Variants in GCN1 observed in about 807,000 individuals in gnomAD.
The protein encoded by GCN1 is GCN1 activator of EIF2AK4.
In GCN1, 90 loss-of-function variants were observed where a neutral mutation model predicts 288.4. That is an observed-to-expected ratio of 0.31 (90% CI 0.26 to 0.37). The LOEUF is 0.37. GCN1 is among the 10% of genes least tolerant of loss of function. The pLI is 1.00. For missense variants in GCN1, 2,586 were observed against 3,419.9 expected (o/e 0.76, Z 6.08); for synonymous variants, 1,386 against 1,420.2 (o/e 0.98, Z 0.54).
At chr12:120,180,039 G>A (rs1261136605) in intron 5 of GCN1, among the ~76,000 whole-genome samples, 1 of 152,176 alleles carries the variant, frequency 6.6e-6, no homozygotes, top group Non-Finnish European at 1.5e-5. Context: ...AGGCCTAGTG[G>A]CTCACACCTG....
intron 45 of GCN1, among the ~76,000 whole-genome samples, 156 bp downstream of exon 45, chr12:120,140,703 A>C (rs1877159951): frequency 6.6e-6 from 1 of 152,184 alleles, no homozygotes; most frequent in Non-Finnish European, 1.5e-5. Flanking sequence ...CCTCAAGTCC[A>C]TGTGGCCCAG....
rs775040970 is a variant in GCN1, at chr12:120,163,126, G to A, written c.1982C>T (p.Thr661Ile). The stretch of plus-strand genomic sequence containing the variant: ...TTCCTGGGCCAGTTGTTCAGTGTCG[G>A]TGACATCACCCTTGAGCCCTGGCAC... ...SGVPGLKGDVTDTEQLAQEML... is the reference protein window; with the variant it reads ...SGVPGLKGDVIDTEQLAQEML... Residue 661 changes from threonine (T) to isoleucine (I), a missense_variant, in exon 19 of 58, where the codon ACC becomes ATC. Thr to Ile is a moderately conservative substitution (Grantham distance 89). Transcript: ENST00000300648. 1 of 1,614,082 alleles carries A rather than the reference G, an allele frequency of 6.2e-7. No homozygotes were observed. Among genetic ancestry groups the A allele is most frequent in the Admixed American group, 1.7e-5 (1 of 59,998 alleles).
rs55816312 is a variant in GCN1, at chr12:120,131,116, C to T, written c.7563+69G>A. 10,427 of 1,435,116 alleles carry T rather than the reference C, an allele frequency of 7.3e-3. 547 individuals are homozygous for T. In the African/African-American group the frequency reaches 0.12, roughly 16 times the overall value. 88.9% of individuals were successfully genotyped at this position (1,435,116 alleles called of 1,614,324 possible). ...TAAGCCCCAGTCTGGGGTCCACCCGCGCTGTGTCCACAAGGTGCTGCCTAT... is the reference window on the plus strand; with the variant it reads ...TAAGCCCCAGTCTGGGGTCCACCCGTGCTGTGTCCACAAGGTGCTGCCTAT... On this transcript the variant is annotated intron_variant, in intron 55 of 57. Coordinates refer to ENST00000300648, the MANE Select transcript of GCN1 (RefSeq NM_006836.2).
chr12:120,127,560 G>C lies in GCN1; in HGVS notation c.*289C>G, dbSNP rs1486505775. The C allele has an allele frequency of 1.2e-5, 4 of 340,492 alleles. No homozygotes were observed. In the East Asian group the frequency reaches 2.6e-4, roughly 22 times the overall value. 21.1% of individuals were successfully genotyped at this position (340,492 alleles called of 1,614,324 possible). ...CCCACAGTCTGACCCTGCTATTATA[G>C]TTCCAGACCTAGCCATGCTAAACTG... is the stretch of plus-strand genomic sequence containing the variant. On this transcript the variant is annotated 3_prime_UTR_variant, in exon 58 of 58. Transcript: ENST00000300648.
At position 120,144,961 on chromosome 12, in the gene GCN1, T is replaced by G; in HGVS notation, c.5117A>C (p.Tyr1706Ser). The G allele has an allele frequency of 1.9e-6, 3 of 1,614,166 alleles. No homozygotes were observed. Among genetic ancestry groups the G allele is most frequent in the Non-Finnish European group, 2.5e-6 (3 of 1,180,020 alleles). ...TGAGCGATCCACAGAGCTCTGCTCA[T>G]AGGTCAGTGTCTCCATCAGCCACGG... ...LLPWLMETLT[Y>S]EQSSVDRSGA... The change falls in exon 40 of 58, where the codon TAT becomes TCT. Residue 1706 changes from tyrosine to serine, a missense_variant. By Grantham distance (144) the Tyr-to-Ser change is moderately radical. Around this residue, in one of 8 missense-constraint regions of GCN1, gnomAD observed 371 missense variants for 572.6 expected, o/e 0.65. Transcript: ENST00000300648. The surrounding 1 kb of genome is among the most constrained non-coding windows in gnomAD (Gnocchi z 4.7).
At position 120,159,705 on chromosome 12, in the gene GCN1, A is replaced by C. The variant is rs1877865937; in HGVS notation, c.2749+120T>G. 7.2e-6 allele frequency: 6 copies of C among 829,372 alleles called. No homozygotes were observed. The South Asian group carries it at 8.9e-5, about 12-fold the overall frequency. The allele number at this position is 829,372 out of a possible 1,614,324, so 51.4% of individuals were successfully genotyped here. A position where few individuals can be genotyped will look rare whatever the true frequency, so the allele number is the denominator to read the frequency against. On this transcript the variant is annotated intron_variant, in intron 24 of 57. Coordinates refer to ENST00000300648, the MANE Select transcript of GCN1 (RefSeq NM_006836.2). ...AGTCTCCAAGGCTGCTTCCACAAGA[A>C]AACAAAACTCAGCAGCTGAGGTCAC...
chr12:120,193,484 T>C (rs1879072949), intron 1 of GCN1, among the ~76,000 whole-genome samples: 1 of 152,316 alleles, frequency 6.6e-6, no homozygotes, highest in East Asian at 1.9e-4. Context: ...TTTGCATTTT[T>C]AGTAGAGACG....
chr12:120,179,957 T>A lies in GCN1; in HGVS notation c.427-1007A>T, dbSNP rs562443243. ...TCTTGATATGGGGATTCGAACTGCATGGAGCTCACACCGTCCAACCCAGAT... is the reference window on the plus strand; with the variant it reads ...TCTTGATATGGGGATTCGAACTGCAAGGAGCTCACACCGTCCAACCCAGAT... On this transcript the variant is annotated intron_variant, in intron 5 of 57. Coordinates refer to ENST00000300648, the MANE Select transcript of GCN1 (RefSeq NM_006836.2). 2.0e-5 allele frequency among the ~76,000 whole-genome samples: 3 copies of A among 152,278 alleles called. 1 individual carries two copies. The South Asian group carries it at 6.2e-4, about 32-fold the overall frequency.
At chr12:120,154,029 G>T in intron 31 of GCN1, 120 bp from the exon 32 acceptor site, 1 of 765,436 alleles carries the variant, frequency 1.3e-6, no homozygotes, top group Non-Finnish European at 2.1e-6. Flanking sequence ...TGTTTTGGGG[G>T]CAGAGAACAG....
intron 16 of GCN1, among the ~76,000 whole-genome samples, chr12:120,167,871 G>A (rs1466946186): frequency 1.3e-5 from 2 of 151,892 alleles, no homozygotes; most frequent in Non-Finnish European, 2.9e-5. Flanking sequence ...TGGTGGGGGA[G>A]TAGAGCCTGC....
At position 120,134,232 on chromosome 12, in the gene GCN1, AAGG is replaced by A. The variant is rs1174344025; in HGVS notation, c.7317+56_7317+58del. Reference sequence around the variant, plus strand: ...TAACACAAAGTGAAGAACTCAACCTAAGGAGGAGGAGGGAAACCAGTGGTCCAG... The same window carrying A: ...TAACACAAAGTGAAGAACTCAACCTAAGGAGGAGGGAAACCAGTGGTCCAG... On this transcript the variant is annotated intron_variant, in intron 53 of 57. Coordinates refer to ENST00000300648, the MANE Select transcript of GCN1 (RefSeq NM_006836.2). This position sits in a 1 kb window ranked among gnomAD's most constrained non-coding sequence, Gnocchi z 5.0. 1.2e-5 allele frequency: 14 copies of A among 1,125,654 alleles called. No homozygotes were observed. The highest frequency in any genetic ancestry group is 1.8e-5 in the Non-Finnish European group (13 of 738,972). 69.7% of individuals were successfully genotyped at this position (1,125,654 alleles called of 1,614,324 possible).
At chr12:120,131,065 A>G in intron 55 of GCN1, 120 bp downstream of exon 55, 1 of 852,894 alleles carries the variant, frequency 1.2e-6, no homozygotes. Context: ...AGTTACTGAC[A>G]AAGGTAAAAT....
At chr12:120,139,439 C>T (rs987332047) in intron 45 of GCN1, among the ~76,000 whole-genome samples, 2 of 152,088 alleles carry the variant, frequency 1.3e-5, no homozygotes, top group African/African-American at 4.8e-5. Flanking sequence ...CCAGCCTGGG[C>T]AACATAGTGA....
At chr12:120,173,592 C>A (rs1300908399) in intron 14 of GCN1, 61 bp downstream of exon 14, 2 of 939,172 alleles carry the variant, frequency 2.1e-6, no homozygotes, top group South Asian at 1.4e-5. Context: ...ACTAACAATA[C>A]CCTAAAGACT....
Position 120,142,368 on chromosome 12 carries a change from A to T in GCN1, c.5829+139T>A. The T allele has an allele frequency of 1.6e-6, 1 of 625,408 alleles. No individual in the cohort carries two copies. The highest frequency in any genetic ancestry group is 2.8e-6 in the Non-Finnish European group (1 of 351,234). The allele number at this position is 625,408 out of a possible 1,614,324, so 38.7% of individuals were successfully genotyped here. ...AAAATTAATCAAAAAATATTTGCAG[A>T]ATGACTAAGTAAAGAACACAATGTC... On this transcript the variant is annotated intron_variant, in intron 44 of 57. Transcript: ENST00000300648. The surrounding 1 kb of genome is among the most constrained non-coding windows in gnomAD (Gnocchi z 4.9).
chr12:120,185,176 C>G (rs1878782454), intron 2 of GCN1, among the ~76,000 whole-genome samples: 1 of 152,200 alleles, frequency 6.6e-6, no homozygotes, highest in South Asian at 2.1e-4. Flanking sequence ...AATGGTTCTA[C>G]TTCTTGATCT....
At chr12:120,191,411 G>C (rs186312883) in intron 1 of GCN1, among the ~76,000 whole-genome samples, 21 of 152,344 alleles carry the variant, frequency 1.4e-4, no homozygotes, top group Admixed American at 7.2e-4. Flanking sequence ...CTGCTCTTGA[G>C]CAATATTCTA....
chr12:120,146,453 C>A (rs1461168057), intron 38 of GCN1, among the ~76,000 whole-genome samples: 2 of 151,952 alleles, frequency 1.3e-5, no homozygotes, highest in Non-Finnish European at 2.9e-5. Flanking sequence ...GTATCCTCAA[C>A]CTCCTGGGCT....
intron 11 of GCN1, 125 bp downstream of exon 11, chr12:120,175,621 G>T: frequency 1.0e-6 from 1 of 963,390 alleles, no homozygotes; most frequent in Non-Finnish European, 1.6e-6. Flanking sequence ...CCAGTGTGAC[G>T]TCCCCCTGGC....
Sources: allele counts gnomAD v4.1 joint callset (sites outside exome capture counted in the v4.1 genomes callset), GRCh38; gene constraint gnomAD v4.1.1; regional missense constraint gnomAD v4.1.1; non-coding constraint Gnocchi (gnomAD v3.1); transcripts MANE v1.5; gene names NCBI Gene and HGNC (gene_info 2026-07-23, HGNC 2026-07-21).